Variants in ZNF615 observed in about 807,000 individuals in gnomAD.
The protein encoded by ZNF615 is zinc finger protein 615.
A neutral mutation model predicts 15.3 loss-of-function variants in ZNF615; 15 were observed. That is an observed-to-expected ratio of 0.98 (90% CI 0.66 to 1.51). ZNF615 has a LOEUF of 1.51. Among genes scored for constraint, ZNF615 ranks in the 40% most tolerant of loss-of-function variants. The pLI is 0.00. For missense variants in ZNF615, 848 were observed against 895.9 expected (o/e 0.95, Z 0.68); for synonymous variants, 268 against 294.6 (o/e 0.91, Z 0.92).
chr19:52,003,589 G>T, intron 3 of ZNF615, 108 bp downstream of exon 3: 1 of 1,009,874 alleles, frequency 9.9e-7, no homozygotes. Context: ...ATTTCTCCAG[G>T]TCCTGATATT....
chr19:52,003,634 T>G, intron 3 of ZNF615, 63 bp downstream of exon 3: 1 of 1,495,240 alleles, frequency 6.7e-7, no homozygotes, highest in East Asian at 2.3e-5. Flanking sequence ...TTACCCTGAT[T>G]TTTACAGGAC....
intron 6 of ZNF615, among the ~76,000 whole-genome samples, chr19:51,997,134 C>T (rs926728490): frequency 4.6e-5 from 7 of 151,870 alleles, no homozygotes; most frequent in African/African-American, 1.7e-4. Context: ...GCCTGGGCAA[C>T]ATAGTGAGAC....
intron 6 of ZNF615, among the ~76,000 whole-genome samples, chr19:51,998,232 C>T (rs8103403): frequency 0.015 from 2,225 of 152,314 alleles, 59 homozygotes; most frequent in African/African-American, 0.051. Context: ...TATGCCCCCA[C>T]TGTTCTTATT....
At chr19:52,003,099 T>C (rs369344318) in intron 3 of ZNF615, among the ~76,000 whole-genome samples, 29 of 152,112 alleles carry the variant, frequency 1.9e-4, no homozygotes, top group African/African-American at 6.3e-4. Flanking sequence ...AGTGCTGGGA[T>C]TACAGGTGTG....
Position 52,001,874 on chromosome 19 carries a change from T to C in ZNF615, c.177A>G (p.Lys59=). The C allele has an allele frequency of 6.2e-7, 1 of 1,614,136 alleles. No individual in the cohort carries two copies. Among genetic ancestry groups the C allele is most frequent in the Non-Finnish European group, 8.5e-7 (1 of 1,180,032 alleles). Residue 59 remains lysine, a synonymous_variant, in exon 5 of 7, where the codon AAA becomes AAG. Coordinates refer to ENST00000598071, the MANE Select transcript of ZNF615 (RefSeq NM_001199324.2). ...YQASKPDALS[K]LERGEETCTT... ...TGCAAGTTTCTTCTCCTCGTTCCAATTTGGAGAGTGCATCTGGTTTGCTGG... is the reference window on the plus strand; with the variant it reads ...TGCAAGTTTCTTCTCCTCGTTCCAACTTGGAGAGTGCATCTGGTTTGCTGG...
At position 51,993,596 on chromosome 19, in the gene ZNF615, T is replaced by G; in HGVS notation, c.1513A>C (p.Thr505Pro). The G allele has an allele frequency of 6.2e-7, 1 of 1,614,074 alleles. No homozygotes were observed. The highest frequency in any genetic ancestry group is 8.5e-7 in the Non-Finnish European group (1 of 1,180,002). The change falls in exon 7 of 7, where the codon ACT becomes CCT. Residue 505 changes from threonine to proline, a missense_variant. Coordinates refer to ENST00000598071, the MANE Select transcript of ZNF615 (RefSeq NM_001199324.2). ...YICNDCGKGF[T>P]VKSRLIVHQR... ...TGCACAATAAGGCGGCTCTTCACAGTGAAGCCTTTTCCACAATCATTGCAT... is the reference window on the plus strand; with the variant it reads ...TGCACAATAAGGCGGCTCTTCACAGGGAAGCCTTTTCCACAATCATTGCAT...
At chr19:51,998,874 C>T (rs1297719206) in intron 6 of ZNF615, among the ~76,000 whole-genome samples, 1 of 152,066 alleles carries the variant, frequency 6.6e-6, no homozygotes, top group African/African-American at 2.4e-5. Flanking sequence ...AGGCTGGTCT[C>T]GAACTCCTGA....
Position 51,993,689 on chromosome 19 carries a change from T to C in ZNF615, c.1420A>G (p.Lys474Glu). Reference sequence around the variant, plus strand: ...AGGTCACTCTTCATGGTGAAACCTTTTCGACATTCGGTGCATACATAGGGT... The same window carrying C: ...AGGTCACTCTTCATGGTGAAACCTTCTCGACATTCGGTGCATACATAGGGT... ...EKPYVCTECRKGFTMKSDLIV... is the reference protein window; with the variant it reads ...EKPYVCTECREGFTMKSDLIV... Residue 474 changes from lysine (K) to glutamate (E), a missense_variant, in exon 7 of 7, where the codon AAA (lysine) becomes GAA (glutamate). Physicochemically the swap from Lys to Glu is moderately conservative, Grantham distance 56 (BLOSUM62 1). Coordinates refer to ENST00000598071, the MANE Select transcript of ZNF615 (RefSeq NM_001199324.2). 1 of 1,614,142 alleles carries C rather than the reference T, an allele frequency of 6.2e-7. No homozygotes were observed. The highest frequency in any genetic ancestry group is 8.5e-7 in the Non-Finnish European group (1 of 1,180,028).
At position 51,993,824 on chromosome 19, in the gene ZNF615, G is replaced by A. The variant is rs1403172728; in HGVS notation, c.1285C>T (p.His429Tyr). 3 of 1,614,188 alleles carry A rather than the reference G, an allele frequency of 1.9e-6. No homozygotes were observed. The highest frequency in any genetic ancestry group is 4.5e-5 in the East Asian group (2 of 44,878). The change falls in exon 7 of 7, where the codon CAT becomes TAT. Residue 429 changes from histidine to tyrosine, a missense_variant. Physicochemically the swap from His to Tyr is moderately conservative, Grantham distance 83. Transcript: ENST00000598071. ...GFSMKHCLMV[H>Y]QRTHTGEKPY... ...TTCTCTCCAGTATGAGTTCGTTGAT[G>A]TACCATGAGACAGTGCTTCATTGAA...
chr19:52,005,140 TC>T (rs1259454719), intron 2 of ZNF615, among the ~76,000 whole-genome samples: 1 of 151,996 alleles, frequency 6.6e-6, no homozygotes, highest in African/African-American at 2.4e-5. Context: ...GTGCCTATAA[TC>T]CCAGCTACTC....
intron 6 of ZNF615, among the ~76,000 whole-genome samples, chr19:51,999,143 T>C (rs1395008535): frequency 6.6e-6 from 1 of 152,216 alleles, no homozygotes; most frequent in African/African-American, 2.4e-5. Flanking sequence ...TACTTAGGAA[T>C]ATACTTAGCA....
chr19:52,008,099 C>T, intron 1 of ZNF615, 42 bp downstream of exon 1: 1 of 1,528,724 alleles, frequency 6.5e-7, no homozygotes. Context: ...GACAGAATTT[C>T]CTCCCCCGTC....
chr19:51,994,895 A>C, intron 6 of ZNF615, 58 bp from the exon 7 acceptor site: 1 of 1,467,094 alleles, frequency 6.8e-7, no homozygotes, highest in Non-Finnish European at 9.0e-7. Context: ...TAAACTATTT[A>C]AACTATTTTT....
At position 51,994,155 on chromosome 19, in the gene ZNF615, T is replaced by C. The variant is rs148918290; in HGVS notation, c.954A>G (p.Gln318=). ...FIKKCRLIYH[Q]RTHTGEKPHG... The stretch of plus-strand genomic sequence containing the variant: ...GGGGTTTCTCTCCTGTATGAGTTCG[T>C]TGATGATAAATGAGCCGACACTTCT... The change falls in exon 7 of 7, where the codon CAA becomes CAG. Residue 318 remains glutamine (Q), a synonymous_variant. Transcript: ENST00000598071. 4.3e-6 allele frequency: 7 copies of C among 1,613,848 alleles called. No homozygotes were observed. The Admixed American group carries it at 6.7e-5, about 15-fold the overall frequency.
At chr19:52,000,614 G>A (rs751586509) in intron 5 of ZNF615, among the ~76,000 whole-genome samples, 2 of 152,040 alleles carry the variant, frequency 1.3e-5, no homozygotes, top group South Asian at 2.1e-4. Context: ...GTTAATTCAC[G>A]GGAATGAAAA....
chr19:51,994,961 A>G, intron 6 of ZNF615, 124 bp from the exon 7 acceptor site: 1 of 961,476 alleles, frequency 1.0e-6, no homozygotes, highest in Admixed American at 3.6e-5. Flanking sequence ...TTATTTATTT[A>G]TTTTTTTGTG....
In ZNF615 at chr19:52,003,837, C is replaced by T. The variant is rs980778517; in HGVS notation, c.-126G>A. On this transcript the variant is annotated 5_prime_UTR_variant, in exon 3 of 7. It adds an upstream start codon to the 5' untranslated region. Transcript: ENST00000598071. ...AAGGATGTCCCCAGAAATGATGACA[C>T]CCAAGTCTTGGAAACTCCGCCTCCT... The T allele has an allele frequency of 1.0e-5, 16 of 1,525,438 alleles. No homozygotes were observed. In the African/African-American group the frequency reaches 1.5e-4, roughly 15 times the overall value. The allele number at this position is 1,525,438 out of a possible 1,614,324, so 94.5% of individuals were successfully genotyped here. A position where few individuals can be genotyped will look rare whatever the true frequency, so the allele number is the denominator to read the frequency against.
At position 51,992,856 on chromosome 19, in the gene ZNF615, T is replaced by C; in HGVS notation, c.*24A>G. The C allele has an allele frequency of 6.2e-7, 1 of 1,609,734 alleles. No homozygotes were observed. Among genetic ancestry groups the C allele is most frequent in the Non-Finnish European group, 8.5e-7 (1 of 1,176,764 alleles). On this transcript the variant is annotated 3_prime_UTR_variant, in exon 7 of 7. Transcript: ENST00000598071. Reference sequence around the variant, plus strand: ...TGCAGATATCTTAAGGGCCTACATCTGGCAAGAGGCTTTCCCAAAATGACT... The same window carrying C: ...TGCAGATATCTTAAGGGCCTACATCCGGCAAGAGGCTTTCCCAAAATGACT...
At chr19:52,005,655 A>G (rs1333903319) in intron 2 of ZNF615, among the ~76,000 whole-genome samples, 1 of 152,196 alleles carries the variant, frequency 6.6e-6, no homozygotes, top group Non-Finnish European at 1.5e-5. Context: ...CTAAATCAAG[A>G]GTCAGTAATA....
Sources: gnomAD v4.1 joint callset for allele counts (sites outside exome capture counted in the v4.1 genomes callset) on GRCh38, gnomAD v4.1.1 for gene constraint, MANE v1.5 for transcripts, NCBI Gene and HGNC (gene_info 2026-07-23, HGNC 2026-07-21) for gene names.